Variants in ADAMTSL3 observed in about 807,000 individuals in gnomAD.
The protein encoded by ADAMTSL3 is ADAMTS like 3.
Under a neutral mutation model 201.7 loss-of-function variants are expected in ADAMTSL3, and 128 were observed. The ratio of observed to expected loss-of-function variants is 0.63; its 90% CI spans 0.55 to 0.73. The LOEUF is 0.73. ADAMTSL3 is among the 30% of genes least tolerant of loss of function. The pLI, the probability that ADAMTSL3 is intolerant of heterozygous loss-of-function variation, is 0.00. For missense variants in ADAMTSL3, 1,990 were observed against 2,119.6 expected (o/e 0.94, Z 1.20); for synonymous variants, 738 against 748.4 (o/e 0.99, Z 0.23).
rs368744990 is a variant in ADAMTSL3, at chr15:83,812,971, C to T, written c.364-6840C>T. Among the ~76,000 whole-genome samples, 42 of 152,284 alleles carry T rather than the reference C, an allele frequency of 2.8e-4. No homozygotes were observed. The East Asian group carries it at 2.9e-3, about 10-fold the overall frequency. ...AATTTAACCTCAGACAGTCAGGTTT[C>T]GGTGAGTGCACACCTAACCACTCTA... On this transcript the variant is annotated intron_variant, in intron 5 of 29. Transcript: ENST00000286744.
chr15:84,030,372 G>A (rs2068383319), intron 27 of ADAMTSL3, among the ~76,000 whole-genome samples: 1 of 152,184 alleles, frequency 6.6e-6, no homozygotes, highest in African/African-American at 2.4e-5. Flanking sequence ...AAGACACGGG[G>A]TCATGTCTGG....
In ADAMTSL3 at chr15:83,900,253, T is replaced by C. The variant is rs542824727; in HGVS notation, c.1700+522T>C. Among the ~76,000 whole-genome samples the C allele has an allele frequency of 6.6e-5, 10 of 152,282 alleles. No individual in the cohort carries two copies. The South Asian group carries it at 1.9e-3, about 28-fold the overall frequency. On this transcript the variant is annotated intron_variant, in intron 15 of 29. Coordinates refer to ENST00000286744, the MANE Select transcript of ADAMTSL3 (RefSeq NM_207517.3). ...TTCTGTGTCTTATTCTCCTTACCTA[T>C]AAAAGGAGCAGGTTGGGCTTGATCT...
intron 2 of ADAMTSL3, among the ~76,000 whole-genome samples, chr15:83,692,217 C>T (rs2061618246): frequency 6.6e-6 from 1 of 151,576 alleles, no homozygotes; most frequent in South Asian, 2.1e-4. Flanking sequence ...TTGATGTTAG[C>T]ATCTTAATAT....
chr15:83,998,428 G>A (rs953166932), intron 23 of ADAMTSL3, among the ~76,000 whole-genome samples: 2 of 152,106 alleles, frequency 1.3e-5, no homozygotes, highest in East Asian at 1.9e-4. Context: ...CAGCCTGGGC[G>A]ACAGAGCGAG....
chr15:83,693,798 G>A (rs1392378867), intron 2 of ADAMTSL3, among the ~76,000 whole-genome samples: 1 of 152,154 alleles, frequency 6.6e-6, no homozygotes, highest in Non-Finnish European at 1.5e-5. Context: ...TTTGTTGACT[G>A]TTGAACTCTC....
chr15:83,854,250 C>T (rs2064684723), intron 7 of ADAMTSL3, among the ~76,000 whole-genome samples: 1 of 151,498 alleles, frequency 6.6e-6, no homozygotes, highest in African/African-American at 2.4e-5. Context: ...CTTATTTTTT[C>T]ATGGTATCGA....
At chr15:83,898,875 A>G (rs2065669095) in intron 14 of ADAMTSL3, among the ~76,000 whole-genome samples, 2 of 152,194 alleles carry the variant, frequency 1.3e-5, no homozygotes, top group African/African-American at 4.8e-5. Context: ...CATTCAATAA[A>G]TATTTTTGAG....
In ADAMTSL3 at chr15:83,823,207, A is replaced by G. The variant is rs868262723; in HGVS notation, c.600+3160A>G. Among the ~76,000 whole-genome samples, 17 of 63,032 alleles carry G rather than the reference A, an allele frequency of 2.7e-4. No individual in the cohort carries two copies. In the East Asian group the frequency reaches 3.8e-3, roughly 14 times the overall value. 41.4% of individuals were successfully genotyped at this position (63,032 alleles called of 152,430 possible). On this transcript the variant is annotated intron_variant, in intron 6 of 29. Coordinates refer to ENST00000286744, the MANE Select transcript of ADAMTSL3 (RefSeq NM_207517.3). ...CGTGGGGAGAGGGAGAGGGTGAGGG[A>G]GAGGGTGAGGGGGAGGGGGAGGGAG...
chr15:83,842,764 C>A (rs2064409393), intron 7 of ADAMTSL3, among the ~76,000 whole-genome samples: 1 of 152,130 alleles, frequency 6.6e-6, no homozygotes, highest in Non-Finnish European at 1.5e-5. Context: ...AGAGGCTATA[C>A]TGAGAAGTGT....
rs985038036 is a variant in ADAMTSL3 at position 83,874,278 on chromosome 15, C to T, written c.960+3319C>T. On this transcript the variant is annotated intron_variant, in intron 9 of 29. Coordinates refer to ENST00000286744, the MANE Select transcript of ADAMTSL3 (RefSeq NM_207517.3). The stretch of plus-strand genomic sequence containing the variant: ...AAGGAGCTTTTGCTCCCATCCCACG[C>T]AGAGCTCCCAGAGGAAAGCGCCTCA... Among the ~76,000 whole-genome samples, 2 of 145,350 alleles carry T rather than the reference C, an allele frequency of 1.4e-5. 1 individual carries two copies. The highest frequency in any genetic ancestry group is 4.3e-4 in the South Asian group (2 of 4,694).
intron 20 of ADAMTSL3, among the ~76,000 whole-genome samples, chr15:83,971,090 T>C (rs1231889567): frequency 1.3e-5 from 2 of 152,218 alleles, no homozygotes; most frequent in African/African-American, 4.8e-5. Flanking sequence ...GAAAGAACTT[T>C]GATTTAAAAA....
intron 9 of ADAMTSL3, among the ~76,000 whole-genome samples, chr15:83,884,528 A>T (rs562913207): frequency 6.8e-6 from 1 of 147,360 alleles, no homozygotes; most frequent in African/African-American, 2.5e-5. Context: ...ACCTGCCTTG[A>T]CCTCCCAAAG....
intron 27 of ADAMTSL3, among the ~76,000 whole-genome samples, chr15:84,030,951 C>T (rs559313373): frequency 2.6e-5 from 4 of 152,286 alleles, no homozygotes; most frequent in South Asian, 2.1e-4. Context: ...TCCTCTTTGC[C>T]GCTTGTGAAG....
At chr15:83,715,243 G>A (rs984237522) in intron 3 of ADAMTSL3, among the ~76,000 whole-genome samples, 2 of 152,210 alleles carry the variant, frequency 1.3e-5, no homozygotes, top group African/African-American at 4.8e-5. Flanking sequence ...GCTCAGGACA[G>A]TGACTGATGG....
At chr15:83,959,293 AT>A (rs1217869125) in intron 19 of ADAMTSL3, among the ~76,000 whole-genome samples, 10 of 152,098 alleles carry the variant, frequency 6.6e-5, no homozygotes, top group Non-Finnish European at 1.0e-4. Context: ...GCTGGGCTTA[AT>A]GGCACACTCC....
intron 9 of ADAMTSL3, among the ~76,000 whole-genome samples, chr15:83,878,940 A>G (rs1215932836): frequency 6.6e-6 from 1 of 152,092 alleles, no homozygotes; most frequent in Non-Finnish European, 1.5e-5. Context: ...AGAATTATGC[A>G]TTTAATGTCT....
chr15:83,668,365 G>A (rs959375863), intron 2 of ADAMTSL3, among the ~76,000 whole-genome samples: 2 of 151,362 alleles, frequency 1.3e-5, no homozygotes, highest in African/African-American at 2.4e-5. Flanking sequence ...CTGAAGAGAA[G>A]TCTGTGGTCA....
chr15:83,839,268 A>G lies in ADAMTSL3; in HGVS notation c.727+1053A>G, dbSNP rs148768889. Among the ~76,000 whole-genome samples, 35 of 152,264 alleles carry G rather than the reference A, an allele frequency of 2.3e-4. 1 individual carries two copies. The East Asian group carries it at 6.8e-3, about 29-fold the overall frequency. ...ACTTATTTTCCCAAATGGGGAAAGCATTGCGGGAGGGGTGGAGGGTTTTTC... is the reference window on the plus strand; with the variant it reads ...ACTTATTTTCCCAAATGGGGAAAGCGTTGCGGGAGGGGTGGAGGGTTTTTC... On this transcript the variant is annotated intron_variant, in intron 7 of 29. Transcript: ENST00000286744.
At chr15:83,889,537 G>A (rs1021696326) in intron 10 of ADAMTSL3, among the ~76,000 whole-genome samples, 7 of 152,114 alleles carry the variant, frequency 4.6e-5, no homozygotes, top group Admixed American at 1.3e-4. Flanking sequence ...ACAACCTTAC[G>A]TAAGACGGTT....
Sources: gnomAD v4.1 joint callset for allele counts (sites outside exome capture counted in the v4.1 genomes callset) on GRCh38, gnomAD v4.1.1 for gene constraint, MANE v1.5 for transcripts, NCBI Gene and HGNC (gene_info 2026-07-23, HGNC 2026-07-21) for gene names.